ULK4: variants seen among roughly 807,000 people sequenced by gnomAD.
The protein encoded by ULK4 is inactive serine/threonine-protein kinase ULK4.
In ULK4, 133 loss-of-function variants were observed where a neutral mutation model predicts 160.6. The observed-to-expected ratio is 0.83, with a 90% confidence interval of 0.72 to 0.96. The LOEUF is 0.96. ULK4 is among the 40% of genes least tolerant of loss of function. The pLI is 0.00. For missense variants in ULK4, 1,580 were observed against 1,499.5 expected, an observed-to-expected ratio of 1.05 and a Z score of -0.89; for synonymous variants, 534 against 539.8, an observed-to-expected ratio of 0.99 and a Z score of 0.15.
At chr3:41,787,128 A>G (rs1053469142) in intron 21 of ULK4, among the ~76,000 whole-genome samples, 1 of 152,154 alleles carries the variant, frequency 6.6e-6, no homozygotes, top group African/African-American at 2.4e-5. Flanking sequence ...CCCCACCAGC[A>G]AAGAGCAAGT....
At chr3:41,743,598 A>C (rs2038316692) in intron 22 of ULK4, among the ~76,000 whole-genome samples, 1 of 152,002 alleles carries the variant, frequency 6.6e-6, no homozygotes, top group African/African-American at 2.4e-5. Context: ...ATATTTGATG[A>C]TTAAAAGCAA....
chr3:41,634,419 C>T (rs2033870586), intron 30 of ULK4, among the ~76,000 whole-genome samples: 1 of 152,180 alleles, frequency 6.6e-6, no homozygotes, highest in South Asian at 2.1e-4. Flanking sequence ...GTTTTATTTA[C>T]AAATCCTGGG....
rs565133022 is a variant in ULK4, at chr3:41,304,259, G to A, written c.3679-54685C>T. 5.5e-5 allele frequency among the ~76,000 whole-genome samples: 5 copies of A among 91,664 alleles called. No individual in the cohort carries two copies. The South Asian group carries it at 1.1e-3, about 20-fold the overall frequency. 60.1% of individuals were successfully genotyped at this position (91,664 alleles called of 152,430 possible). A position where few individuals can be genotyped will look rare whatever the true frequency, so the allele number is the denominator to read the frequency against. Reference sequence around the variant, plus strand: ...TTGCACTCCAGCCTGGACAATAAGAGCAAAGCTCCCCCTCAAAAAAAAAAA... The same window carrying A: ...TTGCACTCCAGCCTGGACAATAAGAACAAAGCTCCCCCTCAAAAAAAAAAA... On this transcript the variant is annotated intron_variant, in intron 35 of 36. Coordinates refer to ENST00000301831, the MANE Select transcript of ULK4 (RefSeq NM_017886.4).
intron 29 of ULK4, 28 bp from the exon 30 acceptor site, chr3:41,663,727 A>G (rs2035261993): frequency 1.3e-6 from 2 of 1,580,590 alleles, no homozygotes; most frequent in Non-Finnish European, 1.7e-6. Context: ...TTTAAAAAAT[A>G]CTCAGTAGGA....
chr3:41,293,602 T>A (rs185571306), intron 35 of ULK4, among the ~76,000 whole-genome samples: 11 of 152,282 alleles, frequency 7.2e-5, no homozygotes, highest in African/African-American at 2.4e-4. Flanking sequence ...ATACCCTGGG[T>A]TGAAATCCTA....
chr3:41,555,374 C>G (rs745534081), intron 32 of ULK4, among the ~76,000 whole-genome samples: 4 of 149,202 alleles, frequency 2.7e-5, no homozygotes, highest in African/African-American at 9.8e-5. Context: ...AGGACATGAA[C>G]AGATACTTTT....
At chr3:41,904,776 G>A (rs1401059714) in intron 12 of ULK4, among the ~76,000 whole-genome samples, 3 of 152,050 alleles carry the variant, frequency 2.0e-5, no homozygotes, top group Non-Finnish European at 4.4e-5. Context: ...GCAATAAGTA[G>A]CATAAAAATA....
At chr3:41,869,564 G>A (rs1025383219) in intron 17 of ULK4, among the ~76,000 whole-genome samples, 2 of 151,708 alleles carry the variant, frequency 1.3e-5, no homozygotes, top group South Asian at 4.2e-4. Flanking sequence ...TGGGTGACCG[G>A]GTGAGACTCT....
intron 32 of ULK4, among the ~76,000 whole-genome samples, chr3:41,473,205 A>T (rs2084038833): frequency 6.6e-6 from 1 of 152,218 alleles, no homozygotes; most frequent in African/African-American, 2.4e-5. Context: ...CACTCTTGCC[A>T]CTTATATTGA....
chr3:41,861,152 T>C (rs2042489695), intron 17 of ULK4, among the ~76,000 whole-genome samples: 1 of 152,140 alleles, frequency 6.6e-6, no homozygotes, highest in East Asian at 1.9e-4. Flanking sequence ...GCTCATATTT[T>C]AGTCTTTCTA....
At position 41,593,644 on chromosome 3, in the gene ULK4, G is replaced by A. The variant is rs186839526; in HGVS notation, c.3120+22025C>T. Among the ~76,000 whole-genome samples the A allele has an allele frequency of 9.5e-4, 144 of 152,320 alleles. 1 individual carries two copies. Among genetic ancestry groups the A allele is most frequent in the Non-Finnish European group, 5.1e-4 (35 of 68,024 alleles). The stretch of plus-strand genomic sequence containing the variant: ...CTAACTATGCATATCTCTGGGCACA[G>A]AGTCATAGCTAATTTCCATTTTCTT... On this transcript the variant is annotated intron_variant, in intron 31 of 36. Transcript: ENST00000301831.
intron 35 of ULK4, among the ~76,000 whole-genome samples, chr3:41,288,873 C>G (rs2125700829): frequency 6.6e-6 from 1 of 152,232 alleles, no homozygotes; most frequent in East Asian, 1.9e-4. Context: ...CCAAGGTTTC[C>G]AACCTAGTCT....
At chr3:41,711,449 A>G (rs1044051451) in intron 25 of ULK4, among the ~76,000 whole-genome samples, 3 of 152,226 alleles carry the variant, frequency 2.0e-5, no homozygotes, top group Non-Finnish European at 4.4e-5. Context: ...ATACAAATTC[A>G]TGATATGTTA....
At chr3:41,318,103 T>C (rs917532987) in intron 35 of ULK4, among the ~76,000 whole-genome samples, 1 of 151,508 alleles carries the variant, frequency 6.6e-6, no homozygotes, top group Non-Finnish European at 1.5e-5. Flanking sequence ...CTTTATCTTA[T>C]CTCTTGAGAA....
Position 41,938,208 on chromosome 3 carries a change from A to G in ULK4, c.139-11T>C, listed in dbSNP as rs755952044. 7 of 1,604,722 alleles carry G rather than the reference A, an allele frequency of 4.4e-6. No individual in the cohort carries two copies. In the Admixed American group the frequency reaches 1.0e-4, roughly 23 times the overall value. ...ACGGGTGAGACGGACCTATAAAAAC[A>G]CAGAGCAATCACTCTAAAAAGAAAT... is the stretch of plus-strand genomic sequence containing the variant. On this transcript the variant is annotated splice_polypyrimidine_tract_variant and intron_variant, in intron 2 of 36. Transcript: ENST00000301831.
At chr3:41,267,956 T>A (rs894507191) in intron 35 of ULK4, among the ~76,000 whole-genome samples, 2 of 152,184 alleles carry the variant, frequency 1.3e-5, no homozygotes, top group African/African-American at 4.8e-5. Flanking sequence ...TGTAGCTGTG[T>A]TTGATTCAGT....
intron 17 of ULK4, among the ~76,000 whole-genome samples, chr3:41,851,750 T>G (rs1488761738): frequency 6.6e-6 from 1 of 151,706 alleles, no homozygotes; most frequent in Non-Finnish European, 1.5e-5. Flanking sequence ...CAAAGCAGTG[T>G]GTAGAGGGAA....
chr3:41,538,323 C>G (rs974530299), intron 32 of ULK4, among the ~76,000 whole-genome samples: 4 of 151,348 alleles, frequency 2.6e-5, no homozygotes, highest in Admixed American at 1.3e-4. Context: ...ACTGGTGTAG[C>G]CACAGCAGCA....
chr3:41,540,637 A>C (rs1386742513), intron 32 of ULK4, among the ~76,000 whole-genome samples: 1 of 152,190 alleles, frequency 6.6e-6, no homozygotes, highest in East Asian at 1.9e-4. Flanking sequence ...TGGTTGAACT[A>C]ATTTACACTC....
Sources: allele counts gnomAD v4.1 joint callset (sites outside exome capture counted in the v4.1 genomes callset), GRCh38; gene constraint gnomAD v4.1.1; transcripts MANE v1.5; gene names NCBI Gene and HGNC (gene_info 2026-07-23, HGNC 2026-07-21).